UACA: variants seen among roughly 807,000 people sequenced by gnomAD.
The protein encoded by UACA is uveal autoantigen with coiled-coil domains and ankyrin repeats, also known as nuclear membrane binding protein.
UACA carries 112 observed loss-of-function variants against 160.5 expected under a neutral mutation model. That is an observed-to-expected ratio of 0.70 (90% CI 0.60 to 0.82). The LOEUF (loss-of-function observed/expected upper bound fraction) is 0.82. UACA is among the 40% of genes least tolerant of loss of function. UACA has a pLI of 0.00. For synonymous variants in UACA, 557 were observed against 568.4 expected (o/e 0.98, Z 0.29); for missense variants, 1,574 against 1,614.6 (o/e 0.97, Z 0.43).
chr15:70,711,572 C>A (rs1898683192), intron 1 of UACA, among the ~76,000 whole-genome samples: 1 of 151,382 alleles, frequency 6.6e-6, no homozygotes, highest in Admixed American at 6.6e-5. Flanking sequence ...ATATTTCACT[C>A]AACATTCAAA....
Position 70,667,307 on chromosome 15 carries a change from C to A in UACA, c.3377G>T (p.Gly1126Val), listed in dbSNP as rs1896951225. The change falls in exon 16 of 19, where the codon GGC becomes GTC. Residue 1126 changes from glycine (G) to valine (V), a missense_variant. Physicochemically the swap from Gly to Val is moderately radical, Grantham distance 109. Coordinates refer to ENST00000322954, the MANE Select transcript of UACA (RefSeq NM_018003.4). Reference protein sequence around the residue: ...QVEALKKSLNGTIENLKEELK... With the variant: ...QVEALKKSLNVTIENLKEELK... Reference sequence around the variant, plus strand: ...TTCTTCCTTTAGATTTTCAATTGTGCCATTAAGAGATTTTTTCAGAGCCTC... The same window carrying A: ...TTCTTCCTTTAGATTTTCAATTGTGACATTAAGAGATTTTTTCAGAGCCTC... The A allele has an allele frequency of 6.2e-7, 1 of 1,610,782 alleles. No homozygotes were observed. The highest frequency in any genetic ancestry group is 1.7e-5 in the Admixed American group (1 of 59,294).
intron 18 of UACA, among the ~76,000 whole-genome samples, chr15:70,659,415 T>TGTTTG (rs1438126605): frequency 3.0e-4 from 41 of 134,974 alleles, no homozygotes; most frequent in African/African-American, 1.1e-3. Context: ...TTTTTTTTTT[T>TGTTTG]TTTTTTTGCT....
intron 1 of UACA, among the ~76,000 whole-genome samples, chr15:70,743,322 T>G (rs1300202002): frequency 6.6e-6 from 1 of 152,234 alleles, no homozygotes. Context: ...GATTAGTAAC[T>G]TAATTACATC....
At chr15:70,657,585 AC>A (rs781421306) in intron 18 of UACA, among the ~76,000 whole-genome samples, 9 of 152,092 alleles carry the variant, frequency 5.9e-5, no homozygotes, top group East Asian at 5.8e-4. Flanking sequence ...ACATGGCGAG[AC>A]CCCATCTGAA....
intron 1 of UACA, among the ~76,000 whole-genome samples, chr15:70,721,400 C>T (rs866124278): frequency 4.6e-5 from 7 of 152,016 alleles, no homozygotes; most frequent in Non-Finnish European, 8.8e-5. Flanking sequence ...CCGAGGTGGG[C>T]GGATCACAAG....
At chr15:70,702,293 C>G (rs765533145) in intron 1 of UACA, 1 of 1,014,960 alleles carries the variant, frequency 9.9e-7, no homozygotes, top group Non-Finnish European at 1.2e-6. Context: ...GCAACACAGA[C>G]GCTGCAGTGC....
intron 1 of UACA, among the ~76,000 whole-genome samples, chr15:70,761,639 A>C (rs1479473629): frequency 6.6e-6 from 1 of 152,196 alleles, no homozygotes; most frequent in Non-Finnish European, 1.5e-5. Flanking sequence ...TACAGAACTT[A>C]TTCTAATATT....
At chr15:70,705,501 AC>A (rs1898499665) in intron 1 of UACA, among the ~76,000 whole-genome samples, 1 of 152,144 alleles carries the variant, frequency 6.6e-6, no homozygotes, top group African/African-American at 2.4e-5. Flanking sequence ...GCAGCATTGC[AC>A]CCCAACTTGG....
At chr15:70,715,189 A>G (rs944605842) in intron 1 of UACA, among the ~76,000 whole-genome samples, 3 of 152,216 alleles carry the variant, frequency 2.0e-5, no homozygotes, top group Admixed American at 6.5e-5. Flanking sequence ...CTAAAAACCA[A>G]GGAGGGTCAC....
intron 2 of UACA, among the ~76,000 whole-genome samples, chr15:70,696,458 T>C (rs993023035): frequency 3.3e-5 from 5 of 152,192 alleles, no homozygotes; most frequent in Non-Finnish European, 7.3e-5. Context: ...AATCTGAAGA[T>C]AGCTTACAAA....
At chr15:70,698,123 T>C (rs991409318) in intron 2 of UACA, among the ~76,000 whole-genome samples, 1 of 152,106 alleles carries the variant, frequency 6.6e-6, no homozygotes, top group Non-Finnish European at 1.5e-5. Flanking sequence ...CCTCAAATAG[T>C]TCAAAAACTA....
At chr15:70,710,738 G>A (rs552934158) in intron 1 of UACA, among the ~76,000 whole-genome samples, 12 of 152,330 alleles carry the variant, frequency 7.9e-5, no homozygotes, top group Non-Finnish European at 1.3e-4. Flanking sequence ...AGATCGAAGC[G>A]ATGCAAAAGG....
intron 1 of UACA, among the ~76,000 whole-genome samples, chr15:70,719,770 G>C (rs756916844): frequency 2.5e-4 from 38 of 152,090 alleles, no homozygotes; most frequent in Non-Finnish European, 4.7e-4. Context: ...ACACCTTACA[G>C]AGTACCCACC....
chr15:70,769,432 C>T, the UACA span, among the ~76,000 whole-genome samples: 1 of 149,988 alleles, frequency 6.7e-6, no homozygotes, highest in East Asian at 2.0e-4. Context: ...AATGACTTTA[C>T]AGTCATTTAA....
In UACA at chr15:70,697,619, T is replaced by C. The variant is rs536720582; in HGVS notation, c.212+1908A>G. Among the ~76,000 whole-genome samples, 3 of 152,246 alleles carry C rather than the reference T, an allele frequency of 2.0e-5. 1 individual carries two copies. The highest frequency in any genetic ancestry group is 2.9e-5 in the Non-Finnish European group (2 of 68,040). ...TTAAAAACAATCATTTGAAACAAATTGTTTTTGTAATTGTAAATACAGAAA... is the reference window on the plus strand; with the variant it reads ...TTAAAAACAATCATTTGAAACAAATCGTTTTTGTAATTGTAAATACAGAAA... On this transcript the variant is annotated intron_variant, in intron 2 of 18. Coordinates refer to ENST00000322954, the MANE Select transcript of UACA (RefSeq NM_018003.4).
intron 17 of UACA, among the ~76,000 whole-genome samples, chr15:70,663,688 G>C (rs536429843): frequency 0.016 from 2,448 of 152,116 alleles, 61 homozygotes; most frequent in African/African-American, 0.057. Context: ...ACTATGCAGT[G>C]ATAAAAAAGG....
intron 2 of UACA, among the ~76,000 whole-genome samples, chr15:70,696,718 T>G (rs1898141228): frequency 6.6e-6 from 1 of 152,182 alleles, no homozygotes; most frequent in African/African-American, 2.4e-5. Context: ...AACTGGGAAT[T>G]ATACTATGCA....
Position 70,691,437 on chromosome 15 carries a change from ATTCT to A in UACA, c.302-78_302-75del, listed in dbSNP as rs901524161. 4.3e-6 allele frequency: 5 copies of A among 1,166,604 alleles called. No homozygotes were observed. The African/African-American group carries it at 6.2e-5, about 15-fold the overall frequency. 72.3% of individuals were successfully genotyped at this position (1,166,604 alleles called of 1,614,324 possible). On this transcript the variant is annotated intron_variant, in intron 3 of 18. Coordinates refer to ENST00000322954, the MANE Select transcript of UACA (RefSeq NM_018003.4). The stretch of plus-strand genomic sequence containing the variant: ...AATTGAGGATTTTTATAGAAATATG[ATTCT>A]TTTTTCCCAAAACTAGTTGACAACA...
chr15:70,746,747 T>C (rs1028226954), intron 1 of UACA, among the ~76,000 whole-genome samples: 4 of 152,158 alleles, frequency 2.6e-5, no homozygotes, highest in Non-Finnish European at 5.9e-5. Context: ...TGCCCATCAA[T>C]TTTAGGCTGG....
Sources: gnomAD v4.1 joint callset for allele counts (sites outside exome capture counted in the v4.1 genomes callset) on GRCh38, gnomAD v4.1.1 for gene constraint, MANE v1.5 for transcripts, NCBI Gene and HGNC (gene_info 2026-07-23, HGNC 2026-07-21) for gene names.